Variants in MARK3 observed in about 807,000 individuals in gnomAD.
MARK3 encodes MAP/microtubule affinity-regulating kinase 3.
Under a neutral mutation model 90.1 loss-of-function variants are expected in MARK3, and 46 were observed. The observed-to-expected ratio is 0.51, with a 90% CI of 0.40 to 0.65. The LOEUF is 0.65. MARK3 is among the 30% of genes least tolerant of loss of function. The pLI is 0.00. For missense variants in MARK3, 818 were observed against 947.2 expected, an observed-to-expected ratio of 0.86 and a Z score of 1.79; for synonymous variants, 321 against 332.6, an observed-to-expected ratio of 0.97 and a Z score of 0.38.
intron 1 of MARK3, among the ~76,000 whole-genome samples, chr14:103,399,040 A>T (rs2090768664): frequency 6.6e-6 from 1 of 152,172 alleles, no homozygotes; most frequent in Non-Finnish European, 1.5e-5. Flanking sequence ...CTCATGTGGG[A>T]GGTACGTAAG....
intron 1 of MARK3, among the ~76,000 whole-genome samples, chr14:103,389,971 G>A (rs1449916291): frequency 3.7e-5 from 5 of 136,198 alleles, no homozygotes; most frequent in African/African-American, 1.4e-4. Context: ...AAAAAAGGCC[G>A]GGCGCGGTGG....
intron 12 of MARK3, among the ~76,000 whole-genome samples, chr14:103,468,585 C>G (rs1342154198): frequency 2.6e-5 from 4 of 152,064 alleles, no homozygotes. Context: ...CTTGGCCTCC[C>G]AGAGCGCTGG....
intron 2 of MARK3, among the ~76,000 whole-genome samples, chr14:103,419,280 G>T (rs527431402): frequency 1.3e-5 from 2 of 152,194 alleles, no homozygotes; most frequent in African/African-American, 4.8e-5. Context: ...GACAGAGCGA[G>T]ACCCCGTCTC....
intron 6 of MARK3, 143 bp downstream of exon 6, chr14:103,457,355 G>A: frequency 3.3e-6 from 2 of 607,114 alleles, no homozygotes; most frequent in East Asian, 5.6e-5. Context: ...AAAAATTGAT[G>A]AAGAACTTTT....
chr14:103,392,651 C>T (rs2090331316), intron 1 of MARK3, among the ~76,000 whole-genome samples: 1 of 152,100 alleles, frequency 6.6e-6, no homozygotes, highest in Non-Finnish European at 1.5e-5. Context: ...ATTGAGTTTT[C>T]AGGTTCCATG....
chr14:103,501,665 G>A (rs1190083494), intron 17 of MARK3, among the ~76,000 whole-genome samples: 4 of 151,004 alleles, frequency 2.6e-5, no homozygotes, highest in African/African-American at 4.9e-5. Flanking sequence ...TGCCTGTCAC[G>A]TTCTCCTGCT....
At chr14:103,415,224 TAACA>T (rs35816040) in intron 2 of MARK3, among the ~76,000 whole-genome samples, 42,589 of 149,738 alleles carry the variant, frequency 0.28, 6,659 homozygotes, top group Middle Eastern at 0.45. Flanking sequence ...TGTTTTAATT[TAACA>T]AACATGTTGG....
intron 2 of MARK3, among the ~76,000 whole-genome samples, chr14:103,418,204 T>C (rs2092037420): frequency 6.9e-6 from 1 of 145,200 alleles, no homozygotes; most frequent in African/African-American, 2.5e-5. Flanking sequence ...GCTGACTCCC[T>C]GAGAATAGTA....
chr14:103,502,082 T>C (rs970338194), intron 17 of MARK3, among the ~76,000 whole-genome samples: 2 of 152,170 alleles, frequency 1.3e-5, no homozygotes, highest in African/African-American at 4.8e-5. Flanking sequence ...CAATAATGAC[T>C]AAATGCCAAG....
intron 14 of MARK3, among the ~76,000 whole-genome samples, chr14:103,482,816 T>C (rs1406394495): frequency 6.6e-6 from 1 of 152,158 alleles, no homozygotes; most frequent in Non-Finnish European, 1.5e-5. Context: ...CTTTCTGCAT[T>C]CCCCCTGGAG....
chr14:103,407,554 CTTTTTTTTT>C (rs71460673), intron 2 of MARK3, among the ~76,000 whole-genome samples: 4 of 71,666 alleles, frequency 5.6e-5, no homozygotes, highest in Admixed American at 2.4e-4. Flanking sequence ...TGTTTTGCCT[CTTTTTTTTT>C]TTTTTTTTTT....
intron 17 of MARK3, among the ~76,000 whole-genome samples, chr14:103,501,558 T>C (rs1457554788): frequency 6.6e-6 from 1 of 152,182 alleles, no homozygotes; most frequent in African/African-American, 2.4e-5. Context: ...CACTCTTCCC[T>C]ATCTTCATTG....
intron 14 of MARK3, among the ~76,000 whole-genome samples, chr14:103,487,933 A>G (rs547442949): frequency 1.3e-5 from 2 of 152,170 alleles, no homozygotes; most frequent in East Asian, 3.9e-4. Flanking sequence ...CTGTAGTCCC[A>G]GCTACTTGGG....
rs1331513553 is a variant in MARK3 at position 103,446,030 on chromosome 14, A to G, written c.298-2889A>G. Among the ~76,000 whole-genome samples the G allele has an allele frequency of 3.3e-5, 5 of 152,236 alleles. No homozygotes were observed. In the East Asian group the frequency reaches 7.7e-4, roughly 23 times the overall value. On this transcript the variant is annotated intron_variant, in intron 3 of 17. Coordinates refer to ENST00000429436, the MANE Select transcript of MARK3 (RefSeq NM_001128918.3). ...TTGGTTTCAGGTATACAGTAGTGAA[A>G]GGAGACAGGCATGCTCCCTGTGGGT...
At chr14:103,463,898 T>C (rs1404135999) in intron 7 of MARK3, among the ~76,000 whole-genome samples, 2 of 152,178 alleles carry the variant, frequency 1.3e-5, no homozygotes, top group African/African-American at 2.4e-5. Flanking sequence ...CAGCCCCCTC[T>C]ACACATCTCT....
chr14:103,433,318 C>T (rs2092637979), intron 3 of MARK3, among the ~76,000 whole-genome samples: 2 of 151,906 alleles, frequency 1.3e-5, no homozygotes, highest in African/African-American at 4.8e-5. Context: ...AACTCCTGGC[C>T]TCAGGTGATC....
chr14:103,500,939 A>G (rs1566950186), intron 17 of MARK3, among the ~76,000 whole-genome samples: 1 of 152,002 alleles, frequency 6.6e-6, no homozygotes, highest in Non-Finnish European at 1.5e-5. Flanking sequence ...TCCATTTTGT[A>G]TAGTTATCAT....
chr14:103,435,811 T>G (rs1033719039), intron 3 of MARK3, among the ~76,000 whole-genome samples: 1 of 152,156 alleles, frequency 6.6e-6, no homozygotes, highest in African/African-American at 2.4e-5. Context: ...CTGGAATTCC[T>G]GGGCTCAAGT....
At chr14:103,405,049 CT>C in intron 1 of MARK3, 26 bp from the exon 2 acceptor site, 1 of 1,592,368 alleles carries the variant, frequency 6.3e-7, no homozygotes, top group South Asian at 1.1e-5. Flanking sequence ...CTCTCATTTC[CT>C]TATCTTTGTG....
Sources: allele counts gnomAD v4.1 joint callset (sites outside exome capture counted in the v4.1 genomes callset), GRCh38; gene constraint gnomAD v4.1.1; transcripts MANE v1.5; gene names NCBI Gene and HGNC (gene_info 2026-07-23, HGNC 2026-07-21).